The following SH3D19 variants were observed in gnomAD, a reference collection of about 807,000 sequenced individuals.
SH3D19 encodes SH3 domain containing 19, also known as SH3 domain-containing protein 19.
SH3D19 carries 58 observed loss-of-function variants against 112.1 expected under a neutral mutation model. The ratio of observed to expected loss-of-function variants is 0.52; its 90% CI spans 0.42 to 0.64. The LOEUF (loss-of-function observed/expected upper bound fraction) is 0.64, where lower values mean the gene tolerates loss of function less well. Ranked by LOEUF, SH3D19 falls within the 30% of genes least tolerant of loss-of-function variation. The pLI is 0.00. For synonymous variants in SH3D19, 391 were observed against 448.5 expected, an observed-to-expected ratio of 0.87 and a Z score of 1.62; for missense variants, 1,090 against 1,263.4, an observed-to-expected ratio of 0.86 and a Z score of 2.08.
chr4:151,282,190 T>C, intron 1 of SH3D19: 1 of 1,613,936 alleles, frequency 6.2e-7, no homozygotes, highest in Non-Finnish European at 8.5e-7. Flanking sequence ...TAGGATCGAT[T>C]ACAGTAGGTG....
In SH3D19 at chr4:151,176,883, TG is replaced by T. The variant is rs1760031824; in HGVS notation, c.308del (p.Pro103GlnfsTer32). The T allele has an allele frequency of 8.1e-7, 1 of 1,232,162 alleles. No individual in the cohort carries two copies. The highest frequency in any genetic ancestry group is 1.0e-6 in the Non-Finnish European group (1 of 987,952). The allele number at this position is 1,232,162 out of a possible 1,614,324, so 76.3% of individuals were successfully genotyped here. ...CAGATGATGTAGGAAATCCCAGTCC[TG>T]GGGGTGGGGTTCCTGGAAACCACGA... is the stretch of plus-strand genomic sequence containing the variant. ...PASWFPGTPP[P>X]GLGFPTSSAA... On this transcript the variant is annotated frameshift_variant, in exon 5 of 20. Transcript: ENST00000604030. LOFTEE classifies it high-confidence loss of function.
At chr4:151,181,975 C>G (rs938748172) in intron 3 of SH3D19, among the ~76,000 whole-genome samples, 1 of 151,922 alleles carries the variant, frequency 6.6e-6, no homozygotes, top group Admixed American at 6.6e-5. Flanking sequence ...TTGAAAAACC[C>G]GCTTGTAGGG....
chr4:151,294,356 C>T (rs1014134758), intron 1 of SH3D19, among the ~76,000 whole-genome samples: 8 of 152,206 alleles, frequency 5.3e-5, no homozygotes, highest in African/African-American at 1.7e-4. Flanking sequence ...AACTGTTCCA[C>T]AGCATAGGAT....
At chr4:151,233,123 T>A (rs1769745332) in intron 1 of SH3D19, among the ~76,000 whole-genome samples, 1 of 151,892 alleles carries the variant, frequency 6.6e-6, no homozygotes, top group Non-Finnish European at 1.5e-5. Flanking sequence ...CTTATGAGAA[T>A]CTAATGTCTG....
intron 1 of SH3D19, among the ~76,000 whole-genome samples, chr4:151,277,567 G>T (rs1022312529): frequency 6.6e-6 from 1 of 152,268 alleles, no homozygotes; most frequent in African/African-American, 2.4e-5. Context: ...TAGAAGGGTA[G>T]TTAAAGAAGG....
chr4:151,183,080 C>T (rs1250948981), intron 3 of SH3D19, among the ~76,000 whole-genome samples: 1 of 151,542 alleles, frequency 6.6e-6, no homozygotes, highest in Non-Finnish European at 1.5e-5. Context: ...GAACCTCTGC[C>T]TTCCAGGTTC....
intron 1 of SH3D19, among the ~76,000 whole-genome samples, chr4:151,245,607 T>C (rs1390607648): frequency 6.6e-6 from 1 of 152,108 alleles, no homozygotes; most frequent in Non-Finnish European, 1.5e-5. Context: ...TCTGAGTCTT[T>C]TGTTTGTTTG....
At chr4:151,280,944 C>G (rs72967575) in intron 1 of SH3D19, among the ~76,000 whole-genome samples, 1,807 of 152,146 alleles carry the variant, frequency 0.012, 25 homozygotes, top group African/African-American at 0.038. Context: ...ATACACAAAG[C>G]AGCAAAAATG....
chr4:151,319,114 G>A (rs1033885749), intron 1 of SH3D19, among the ~76,000 whole-genome samples: 2 of 152,136 alleles, frequency 1.3e-5, no homozygotes, highest in African/African-American at 2.4e-5. Context: ...GCAGTGGTGT[G>A]ATCTCAGTTC....
At chr4:151,291,815 T>C (rs1289801096) in intron 1 of SH3D19, among the ~76,000 whole-genome samples, 1 of 152,184 alleles carries the variant, frequency 6.6e-6, no homozygotes, top group East Asian at 1.9e-4. Flanking sequence ...CTCGTGCCCA[T>C]GGGTTGCATC....
intron 2 of SH3D19, among the ~76,000 whole-genome samples, chr4:151,214,902 T>A (rs1156708198): frequency 6.8e-6 from 1 of 147,332 alleles, no homozygotes; most frequent in Non-Finnish European, 1.5e-5. Context: ...GAGGGGCTCC[T>A]CACTTCTCAG....
intron 1 of SH3D19, among the ~76,000 whole-genome samples, chr4:151,241,431 G>A (rs1770549295): frequency 6.6e-6 from 1 of 151,980 alleles, no homozygotes. Flanking sequence ...ATTAGTGGTT[G>A]TCTAGAGTTG....
intron 1 of SH3D19, among the ~76,000 whole-genome samples, chr4:151,256,667 A>C (rs568416898): frequency 1.3e-5 from 2 of 149,170 alleles, no homozygotes; most frequent in South Asian, 2.1e-4. Context: ...TGATGATATA[A>C]GGTGTATGGT....
intron 1 of SH3D19, among the ~76,000 whole-genome samples, chr4:151,299,580 CAAAAAAAAA>C (rs369585943): frequency 2.0e-4 from 19 of 92,798 alleles, no homozygotes; most frequent in Non-Finnish European, 3.9e-4. Flanking sequence ...AACTCCGTCT[CAAAAAAAAA>C]AAAAAAAAAA....
chr4:151,318,300 C>CAAAAAAAAAAAAAAAA (rs752720803), intron 1 of SH3D19, among the ~76,000 whole-genome samples: 3 of 54,468 alleles, frequency 5.5e-5, no homozygotes, highest in Admixed American at 2.2e-4. Flanking sequence ...GACTCTGACT[C>CAAAAAAAAAAAAAAAA]AAAAAAAAAA....
In SH3D19 at chr4:151,122,070, G is replaced by T; in HGVS notation, c.*21C>A. ...AGTTCAAGTGAGTTCTTGTGCCAAG[G>T]AACACAGACAAGCTTCTCCTCTAGC... On this transcript the variant is annotated 3_prime_UTR_variant, in exon 20 of 20. Coordinates refer to ENST00000604030, the MANE Select transcript of SH3D19 (RefSeq NM_001378122.1). 1.6e-6 allele frequency: 2 copies of T among 1,229,922 alleles called. No homozygotes were observed. Among genetic ancestry groups the T allele is most frequent in the South Asian group, 1.2e-5 (1 of 80,828 alleles). 76.2% of individuals were successfully genotyped at this position (1,229,922 alleles called of 1,614,324 possible).
chr4:151,227,214 G>C (rs1769143985), intron 1 of SH3D19, among the ~76,000 whole-genome samples: 1 of 152,174 alleles, frequency 6.6e-6, no homozygotes, highest in South Asian at 2.1e-4. Context: ...AACAGAATAA[G>C]AGGATTATGA....
At chr4:151,234,734 T>G (rs2149960068) in intron 1 of SH3D19, among the ~76,000 whole-genome samples, 2 of 38,608 alleles carry the variant, frequency 5.2e-5, no homozygotes, top group Admixed American at 4.4e-4. Flanking sequence ...TCCAAGTTTG[T>G]GTTTTTTTTT....
chr4:151,121,262 T>G lies in SH3D19; in HGVS notation c.*829A>C, dbSNP rs1747940873. 1 of 152,638 alleles carries G rather than the reference T, an allele frequency of 6.6e-6. No homozygotes were observed. The highest frequency in any genetic ancestry group is 2.4e-5 in the African/African-American group (1 of 41,450). 9.5% of individuals were successfully genotyped at this position (152,638 alleles called of 1,614,324 possible). A position where few individuals can be genotyped will look rare whatever the true frequency, so the allele number is the denominator to read the frequency against. On this transcript the variant is annotated 3_prime_UTR_variant, in exon 20 of 20. Coordinates refer to ENST00000604030, the MANE Select transcript of SH3D19 (RefSeq NM_001378122.1). ...ACTGGAATAATGCAAAGAAAATGAATTTTCCTTTGGGTCCAGTAATTGTCA... is the reference window on the plus strand; with the variant it reads ...ACTGGAATAATGCAAAGAAAATGAAGTTTCCTTTGGGTCCAGTAATTGTCA...
Sources: allele counts gnomAD v4.1 joint callset (sites outside exome capture counted in the v4.1 genomes callset), GRCh38; gene constraint gnomAD v4.1.1; transcripts MANE v1.5; gene names NCBI Gene and HGNC (gene_info 2026-07-23, HGNC 2026-07-21).